Variants in NSUN6 observed in about 807,000 individuals in gnomAD.
The protein encoded by NSUN6 is tRNA (cytosine(72)-C(5))-methyltransferase NSUN6.
NSUN6 carries 64 observed loss-of-function variants against 58.0 expected under a neutral mutation model. The ratio of observed to expected loss-of-function variants is 1.10; its 90% CI spans 0.90 to 1.36. The LOEUF is 1.36. Ranked by LOEUF, NSUN6 falls within the 40% of genes most tolerant of loss-of-function variation. NSUN6 has a pLI of 0.00. For synonymous variants in NSUN6, 231 were observed against 193.9 expected (o/e 1.19, Z -1.59); for missense variants, 701 against 550.1 (o/e 1.27, Z -2.74).
intron 2 of NSUN6, among the ~76,000 whole-genome samples, chr10:18,644,885 C>T (rs555945592): frequency 1.0e-4 from 15 of 148,802 alleles, no homozygotes; most frequent in South Asian, 4.2e-4. Flanking sequence ...AGGTCAGGCA[C>T]GGTGGCTCAC....
At chr10:18,653,083 G>A, upstream of NSUN6, 1 of 984,696 alleles carries the variant, frequency 1.0e-6, no homozygotes. Flanking sequence ...AGGAATTTCT[G>A]TAGCCTGAAT....
At chr10:18,571,728 C>CCG (rs2056376759) in intron 8 of NSUN6, among the ~76,000 whole-genome samples, 9 of 151,192 alleles carry the variant, frequency 6.0e-5, no homozygotes, top group Admixed American at 6.6e-5. Flanking sequence ...CTATTCCATT[C>CCG]CACATTCCAT....
intron 8 of NSUN6, among the ~76,000 whole-genome samples, chr10:18,567,585 T>C (rs1220081203): frequency 2.0e-5 from 3 of 150,896 alleles, no homozygotes; most frequent in African/African-American, 4.9e-5. Context: ...CCATTCTCCA[T>C]AGCATTCCAT....
intron 1 of NSUN6, among the ~76,000 whole-genome samples, chr10:18,649,688 G>A (rs958656800): frequency 2.7e-5 from 4 of 150,842 alleles, no homozygotes; most frequent in Non-Finnish European, 4.4e-5. Context: ...TTTTCACAAA[G>A]GCATAGCTTT....
intron 8 of NSUN6, among the ~76,000 whole-genome samples, chr10:18,584,875 G>A (rs2057057197): frequency 6.7e-6 from 1 of 149,942 alleles, no homozygotes. Flanking sequence ...ATGGTAACAT[G>A]ACATATTCAG....
In NSUN6 at chr10:18,615,118, T is replaced by TATAC. The variant is rs1404404021; in HGVS notation, c.422-506_422-505insGTAT. Among the ~76,000 whole-genome samples the TATAC allele has an allele frequency of 2.0e-5, 3 of 149,368 alleles. No individual in the cohort carries two copies. The East Asian group carries it at 5.8e-4, about 29-fold the overall frequency. On this transcript the variant is annotated intron_variant, in intron 4 of 10. Coordinates refer to ENST00000377304, the MANE Select transcript of NSUN6 (RefSeq NM_182543.5). The stretch of plus-strand genomic sequence containing the variant: ...ATATATAGTCATTCATATATATATA[T>TATAC]ATATATATATACACACACATATAGG...
At chr10:18,564,741 C>T (rs887738601) in intron 8 of NSUN6, among the ~76,000 whole-genome samples, 5 of 145,274 alleles carry the variant, frequency 3.4e-5, no homozygotes, top group Non-Finnish European at 7.7e-5. Context: ...CCCTTCCAGT[C>T]TCCATTCCAT....
chr10:18,550,436 G>A (rs1396537517), intron 9 of NSUN6, among the ~76,000 whole-genome samples: 1 of 152,150 alleles, frequency 6.6e-6, no homozygotes, highest in African/African-American at 2.4e-5. Flanking sequence ...AATCATTATA[G>A]AACATCCATT....
At chr10:18,622,704 C>T (rs753399789) in intron 3 of NSUN6, among the ~76,000 whole-genome samples, 3 of 152,128 alleles carry the variant, frequency 2.0e-5, no homozygotes, top group South Asian at 2.1e-4. Flanking sequence ...AGCAAGACTC[C>T]GCCTTGGGGG....
intron 9 of NSUN6, among the ~76,000 whole-genome samples, chr10:18,550,248 G>A (rs1046988940): frequency 2.0e-5 from 3 of 152,112 alleles, no homozygotes; most frequent in South Asian, 2.1e-4. Context: ...AGTGGGTTTC[G>A]GCTGTAACTA....
chr10:18,616,032 C>T (rs2058397009), intron 4 of NSUN6, 152 bp downstream of exon 4: 1 of 569,930 alleles, frequency 1.8e-6, no homozygotes, highest in Non-Finnish European at 3.1e-6. Context: ...TTTGTTAGTC[C>T]TTACTGGATA....
upstream of NSUN6, among the ~76,000 whole-genome samples, chr10:18,656,365 C>T (rs903169757): frequency 1.3e-5 from 2 of 152,116 alleles, no homozygotes; most frequent in East Asian, 1.9e-4. Flanking sequence ...GGTGAAACCC[C>T]ATCTCTACTA....
chr10:18,546,396 T>C (rs10764584), intron 10 of NSUN6, among the ~76,000 whole-genome samples: 116,813 of 152,104 alleles, frequency 0.77, 44,976 homozygotes, highest in East Asian at 0.97. Context: ...TGTGACATTA[T>C]CAAAGGCCTG....
chr10:18,636,304 T>G (rs1251875253), intron 3 of NSUN6, among the ~76,000 whole-genome samples: 7 of 150,886 alleles, frequency 4.6e-5, no homozygotes, highest in African/African-American at 7.3e-5. Flanking sequence ...AAGTAAGCAC[T>G]GCATCCATGT....
intron 3 of NSUN6, among the ~76,000 whole-genome samples, chr10:18,633,042 G>A (rs2059091123): frequency 6.6e-6 from 1 of 151,720 alleles, no homozygotes; most frequent in Non-Finnish European, 1.5e-5. Flanking sequence ...TTAAGAAAAT[G>A]TGTCACATAT....
chr10:18,587,626 C>T (rs2057213648), intron 7 of NSUN6, among the ~76,000 whole-genome samples: 1 of 152,022 alleles, frequency 6.6e-6, no homozygotes, highest in South Asian at 2.1e-4. Context: ...GCAGTGGGTG[C>T]AACGCACGGA....
Position 18,614,352 on chromosome 10 carries a change from C to CAAA in NSUN6, c.575+105_575+107dup, listed in dbSNP as rs11405681. ...AATTTTTTTCCAGTTGGATTTATAC[C>CAAA]AAAAAAAAAAATTTCATATAATGCA... On this transcript the variant is annotated intron_variant, in intron 5 of 10. Transcript: ENST00000377304. The CAAA allele has an allele frequency of 1.3e-3, 547 of 431,792 alleles. 1 individual carries two copies. The highest frequency in any genetic ancestry group is 1.7e-3 in the Non-Finnish European group (465 of 275,764). The allele number at this position is 431,792 out of a possible 1,614,324, so 26.7% of individuals were successfully genotyped here. A position where few individuals can be genotyped will look rare whatever the true frequency, so the allele number is the denominator to read the frequency against.
At chr10:18,615,439 A>T (rs2058376428) in intron 4 of NSUN6, among the ~76,000 whole-genome samples, 1 of 152,222 alleles carries the variant, frequency 6.6e-6, no homozygotes, top group Non-Finnish European at 1.5e-5. Flanking sequence ...TTTCCTGTAA[A>T]GGGCAAATAA....
intron 3 of NSUN6, among the ~76,000 whole-genome samples, chr10:18,636,128 T>A (rs1316374447): frequency 1.3e-5 from 2 of 151,802 alleles, no homozygotes; most frequent in African/African-American, 4.8e-5. Context: ...TGTATAAACA[T>A]AAAGGCAACA....
Sources: gnomAD v4.1 joint callset for allele counts (sites outside exome capture counted in the v4.1 genomes callset) on GRCh38, gnomAD v4.1.1 for gene constraint, MANE v1.5 for transcripts, NCBI Gene and HGNC (gene_info 2026-07-23, HGNC 2026-07-21) for gene names.